The following CFAP418 variants were observed in gnomAD, a reference collection of about 807,000 sequenced individuals.
The protein encoded by CFAP418 is cilia and flagella associated protein 418, also known as cilia- and flagella-associated protein 418.
Under a neutral mutation model 24.7 loss-of-function variants are expected in CFAP418, and 27 were observed. The observed-to-expected ratio is 1.09, with a 90% CI of 0.81 to 1.51. The LOEUF (loss-of-function observed/expected upper bound fraction) is 1.51. Ranked by LOEUF, CFAP418 falls within the 40% of genes most tolerant of loss-of-function variation. The pLI is 0.00. For synonymous variants in CFAP418, 74 were observed against 87.3 expected, an observed-to-expected ratio of 0.85 and a Z score of 0.85; for missense variants, 257 against 255.2, an observed-to-expected ratio of 1.01 and a Z score of -0.05.
At chr8:95,251,093 T>C (rs1811699863) in intron 5 of CFAP418, among the ~76,000 whole-genome samples, 1 of 152,244 alleles carries the variant, frequency 6.6e-6, no homozygotes, top group Non-Finnish European at 1.5e-5. Context: ...GTAGGTATTC[T>C]GTAAGTGTAT....
At chr8:95,267,428 C>T (rs181569140) in intron 1 of CFAP418, among the ~76,000 whole-genome samples, 1 of 152,020 alleles carries the variant, frequency 6.6e-6, no homozygotes, top group Non-Finnish European at 1.5e-5. Flanking sequence ...GGTGAAACCC[C>T]GTTTCTACCA....
At chr8:95,266,876 T>C (rs1325761013) in intron 1 of CFAP418, among the ~76,000 whole-genome samples, 6 of 152,200 alleles carry the variant, frequency 3.9e-5, no homozygotes, top group African/African-American at 1.4e-4. Context: ...ACACAACCCA[T>C]GGTTGGAGAA....
At chr8:95,249,990 A>G (rs914136443) in intron 5 of CFAP418, among the ~76,000 whole-genome samples, 1 of 152,120 alleles carries the variant, frequency 6.6e-6, no homozygotes, top group Non-Finnish European at 1.5e-5. Context: ...ACCTCCCATC[A>G]GTGCTCTTGA....
Position 95,269,065 on chromosome 8 carries a change from C to A in CFAP418, c.125G>T (p.Arg42Leu), listed in dbSNP as rs777846528. 6 of 1,614,180 alleles carry A rather than the reference C, an allele frequency of 3.7e-6. No homozygotes were observed. In the Admixed American group the frequency reaches 8.3e-5, roughly 22 times the overall value. ...GCGGGTHSSD[R>L]NQAKAKETLR... ...CGTCTCTTTCGCCTTGGCTTGGTTC[C>A]GGTCGCTACTGTGGGTGCCGCCGCC... is the stretch of plus-strand genomic sequence containing the variant. Residue 42 changes from arginine (R) to leucine (L), a missense_variant, in exon 1 of 6, where the codon CGG becomes CTG. By Grantham distance (102) the Arg-to-Leu change is moderately radical. Coordinates refer to ENST00000286688, the MANE Select transcript of CFAP418 (RefSeq NM_177965.4).
Position 95,249,747 on chromosome 8 carries a change from T to C in CFAP418, c.471-1977A>G, listed in dbSNP as rs538776783. 1.2e-4 allele frequency among the ~76,000 whole-genome samples: 18 copies of C among 152,326 alleles called. No individual in the cohort carries two copies. In the South Asian group the frequency reaches 2.9e-3, roughly 25 times the overall value. On this transcript the variant is annotated intron_variant, in intron 5 of 5. Coordinates refer to ENST00000286688, the MANE Select transcript of CFAP418 (RefSeq NM_177965.4). ...AGGACAATAAAACAACTGCACAGCA[T>C]TCCACTGTGTAACATTTAACTTGTC...
In CFAP418 at chr8:95,255,611, A is replaced by C. The variant is rs1811775161; in HGVS notation, c.375-3328T>G. Among the ~76,000 whole-genome samples, 3 of 152,356 alleles carry C rather than the reference A, an allele frequency of 2.0e-5. 1 individual carries two copies. The South Asian group carries it at 6.2e-4, about 32-fold the overall frequency. On this transcript the variant is annotated intron_variant, in intron 4 of 5. Coordinates refer to ENST00000286688, the MANE Select transcript of CFAP418 (RefSeq NM_177965.4). ...AAGCCCATCTCCTCATCTAGACTGA[A>C]AGCTCATTGAAGACAGGAAGTGTCC...
chr8:95,263,256 A>C (rs1345899655), intron 2 of CFAP418, among the ~76,000 whole-genome samples: 1 of 152,200 alleles, frequency 6.6e-6, no homozygotes, highest in East Asian at 1.9e-4. Context: ...GCTAAAATAG[A>C]CATACAAACA....
In CFAP418 at chr8:95,269,034, C is replaced by G; in HGVS notation, c.155+1G>C. 2 of 1,613,802 alleles carry G rather than the reference C, an allele frequency of 1.2e-6. No homozygotes were observed. Among genetic ancestry groups the G allele is most frequent in the Non-Finnish European group, 1.7e-6 (2 of 1,179,844 alleles). ...CAGTCCACCCCTCCCGCCCGGTTAA[C>G]CTGAGCGTCTCTTTCGCCTTGGCTT... On this transcript the variant is annotated splice_donor_variant, in intron 1 of 5. Transcript: ENST00000286688. LOFTEE classifies it high-confidence loss of function.
chr8:95,253,352 T>A (rs1237964591), intron 4 of CFAP418, among the ~76,000 whole-genome samples: 1 of 152,114 alleles, frequency 6.6e-6, no homozygotes, highest in Non-Finnish European at 1.5e-5. Flanking sequence ...AGTTATATAC[T>A]ACACAGTAAC....
chr8:95,261,970 T>C (rs4560758), intron 2 of CFAP418, among the ~76,000 whole-genome samples: 71,642 of 152,186 alleles, frequency 0.47, 17,174 homozygotes, highest in African/African-American at 0.51. Context: ...TCAGTGCTTA[T>C]GCACTTACTC....
intron 4 of CFAP418, among the ~76,000 whole-genome samples, chr8:95,253,287 G>A (rs1045909458): frequency 1.7e-4 from 26 of 151,512 alleles, no homozygotes; most frequent in African/African-American, 6.3e-4. Context: ...TCCAGCCTGG[G>A]CGACAAAGCG....
chr8:95,247,581 C>G lies in CFAP418; in HGVS notation c.*36G>C, dbSNP rs1440288768. 3.1e-6 allele frequency: 5 copies of G among 1,612,450 alleles called. No individual in the cohort carries two copies. The Admixed American group carries it at 8.3e-5, about 27-fold the overall frequency. ...GATGATGATTCATGGAGACCACTCT[C>G]ATGGATGCATCTGTCCGAATGTGCA... On this transcript the variant is annotated 3_prime_UTR_variant, in exon 6 of 6. Transcript: ENST00000286688.
intron 5 of CFAP418, among the ~76,000 whole-genome samples, chr8:95,250,475 G>A (rs928841185): frequency 1.8e-4 from 27 of 152,198 alleles, no homozygotes; most frequent in African/African-American, 6.0e-4. Flanking sequence ...CTTTATGCCT[G>A]TGTTCACCAC....
rs151038081 is a variant in CFAP418, at chr8:95,268,376, C to T, written c.155+659G>A. ...GCCTGTAATCCCAGCTAGGGTAGGC[C>T]GAGGTGGGAGGATCTTTGAACCCGG... On this transcript the variant is annotated intron_variant, in intron 1 of 5. Transcript: ENST00000286688. Among the ~76,000 whole-genome samples the T allele has an allele frequency of 3.3e-3, 503 of 152,086 alleles. 2 individuals carry two copies. The highest frequency in any genetic ancestry group is 0.012 in the African/African-American group (477 of 41,476).
intron 5 of CFAP418, 116 bp from the exon 6 acceptor site, chr8:95,247,886 CATT>C: frequency 1.9e-6 from 2 of 1,065,072 alleles, no homozygotes; most frequent in Non-Finnish European, 2.6e-6. Flanking sequence ...TTAGGAGTCT[CATT>C]GTTACTCAGG....
chr8:95,252,717 C>T (rs1227030676), intron 4 of CFAP418, among the ~76,000 whole-genome samples: 1 of 152,204 alleles, frequency 6.6e-6, no homozygotes, highest in Non-Finnish European at 1.5e-5. Context: ...TTCAGATAAG[C>T]TGCTTAAGCG....
chr8:95,258,815 G>A (rs1811838173), intron 4 of CFAP418, among the ~76,000 whole-genome samples: 1 of 152,136 alleles, frequency 6.6e-6, no homozygotes, highest in African/African-American at 2.4e-5. Context: ...TTACCATTGT[G>A]TTACCACTGC....
intron 1 of CFAP418, among the ~76,000 whole-genome samples, chr8:95,266,035 T>C (rs958774482): frequency 6.6e-6 from 1 of 152,234 alleles, no homozygotes; most frequent in African/African-American, 2.4e-5. Flanking sequence ...AGAGGTATTA[T>C]ATAGAAAGCT....
At chr8:95,259,579 G>A (rs377121968) in intron 4 of CFAP418, among the ~76,000 whole-genome samples, 43 of 152,088 alleles carry the variant, frequency 2.8e-4, no homozygotes, top group African/African-American at 1.0e-3. Flanking sequence ...GTGTCCTGTG[G>A]AAACAAAGCT....
Sources: gnomAD v4.1 joint callset for allele counts (sites outside exome capture counted in the v4.1 genomes callset) on GRCh38, gnomAD v4.1.1 for gene constraint, MANE v1.5 for transcripts, NCBI Gene and HGNC (gene_info 2026-07-23, HGNC 2026-07-21) for gene names.